Variants in GALNTL6 observed in about 807,000 individuals in gnomAD.
GALNTL6 encodes the protein polypeptide N-acetylgalactosaminyltransferase-like 6.
A neutral mutation model predicts 73.7 loss-of-function variants in GALNTL6; 46 were observed. That is an observed-to-expected ratio of 0.62 (90% CI 0.49 to 0.80). The LOEUF (loss-of-function observed/expected upper bound fraction) is 0.80, where lower values mean the gene tolerates loss of function less well. Among genes scored for constraint, GALNTL6 ranks in the 30% least tolerant of loss-of-function variants. The pLI, the probability that GALNTL6 is intolerant of heterozygous loss-of-function variation, is 0.00. For synonymous variants in GALNTL6, 259 were observed against 263.7 expected (o/e 0.98, Z 0.17); for missense variants, 604 against 755.0 (o/e 0.80, Z 2.34).
At chr4:173,011,304 G>A (rs1180901517) in intron 11 of GALNTL6, among the ~76,000 whole-genome samples, 6 of 152,082 alleles carry the variant, frequency 3.9e-5, no homozygotes, top group African/African-American at 7.2e-5. Context: ...CATTCTGTGG[G>A]TTGTCTCTTC....
At chr4:172,426,436 A>G (rs561510876) in intron 5 of GALNTL6, among the ~76,000 whole-genome samples, 1 of 152,252 alleles carries the variant, frequency 6.6e-6, no homozygotes, top group Admixed American at 6.5e-5. Context: ...TGGCAACCAC[A>G]TGGGAGACTG....
chr4:172,971,424 A>C (rs564819859), intron 10 of GALNTL6, among the ~76,000 whole-genome samples: 1 of 152,342 alleles, frequency 6.6e-6, no homozygotes, highest in East Asian at 1.9e-4. Context: ...GAGCTGCTTG[A>C]AGAAGCTTGT....
At chr4:172,989,049 C>T (rs368464581) in intron 10 of GALNTL6, among the ~76,000 whole-genome samples, 36 of 152,344 alleles carry the variant, frequency 2.4e-4, no homozygotes, top group African/African-American at 8.2e-4. Context: ...AACTGGAGCA[C>T]TGCCTGGTGG....
intron 2 of GALNTL6, among the ~76,000 whole-genome samples, chr4:172,215,434 A>G (rs1006084211): frequency 2.0e-5 from 3 of 152,154 alleles, no homozygotes; most frequent in African/African-American, 7.2e-5. Context: ...GTGCATACAT[A>G]TTAAGGATAC....
At chr4:172,702,901 G>A (rs557874436) in intron 5 of GALNTL6, among the ~76,000 whole-genome samples, 6 of 151,704 alleles carry the variant, frequency 4.0e-5, no homozygotes, top group Non-Finnish European at 8.8e-5. Context: ...ATAAAGACAT[G>A]CAATTGACTT....
intron 5 of GALNTL6, among the ~76,000 whole-genome samples, chr4:172,544,068 T>C (rs1316230898): frequency 6.6e-6 from 1 of 152,186 alleles, no homozygotes; most frequent in African/African-American, 2.4e-5. Context: ...GATCGATTTC[T>C]TAGTTCCAAT....
chr4:172,751,185 A>G (rs1488031470), intron 5 of GALNTL6, among the ~76,000 whole-genome samples: 1 of 152,232 alleles, frequency 6.6e-6, no homozygotes, highest in African/African-American at 2.4e-5. Context: ...TTCACTGAGA[A>G]TGAAACAGGA....
At chr4:172,562,621 T>A (rs1736415126) in intron 5 of GALNTL6, among the ~76,000 whole-genome samples, 1 of 152,210 alleles carries the variant, frequency 6.6e-6, no homozygotes, top group South Asian at 2.1e-4. Context: ...CAAACCCTTA[T>A]CCCGGCCTCT....
chr4:172,089,490 T>A (rs1480321765), intron 2 of GALNTL6, among the ~76,000 whole-genome samples: 1 of 152,108 alleles, frequency 6.6e-6, no homozygotes, highest in Non-Finnish European at 1.5e-5. Flanking sequence ...CATTTTAATT[T>A]TAGTAATTCC....
At chr4:172,396,301 ATTTTCTTTTT>A (rs1384324904) in intron 5 of GALNTL6, among the ~76,000 whole-genome samples, 24 of 104,482 alleles carry the variant, frequency 2.3e-4, no homozygotes, top group African/African-American at 8.6e-4. Context: ...TGCAATTACT[ATTTTCTTTTT>A]TTTTCTTTTT....
At chr4:172,370,632 A>C (rs1490503067) in intron 5 of GALNTL6, among the ~76,000 whole-genome samples, 1 of 146,850 alleles carries the variant, frequency 6.8e-6, no homozygotes, top group Non-Finnish European at 1.5e-5. Flanking sequence ...CTCCATCTCA[A>C]AAAAAAAAAA....
intron 5 of GALNTL6, among the ~76,000 whole-genome samples, chr4:172,456,899 G>A (rs1173887869): frequency 5.3e-5 from 8 of 152,026 alleles, no homozygotes; most frequent in African/African-American, 1.9e-4. Flanking sequence ...ACACATAATT[G>A]TCAGATTCAC....
At chr4:172,136,724 C>A (rs1464990272) in intron 2 of GALNTL6, among the ~76,000 whole-genome samples, 3 of 151,634 alleles carry the variant, frequency 2.0e-5, no homozygotes, top group Non-Finnish European at 2.9e-5. Context: ...TATAATTATG[C>A]ACAGCTCCAT....
At chr4:172,333,878 G>A (rs1221986773) in intron 4 of GALNTL6, among the ~76,000 whole-genome samples, 1 of 152,100 alleles carries the variant, frequency 6.6e-6, no homozygotes, top group African/African-American at 2.4e-5. Context: ...GTGAGAGATA[G>A]GGGTCTAGTT....
intron 2 of GALNTL6, among the ~76,000 whole-genome samples, chr4:171,908,533 T>G (rs922166915): frequency 6.6e-6 from 1 of 152,132 alleles, no homozygotes; most frequent in Admixed American, 6.5e-5. Context: ...GGAACACTTT[T>G]ACACTGTTGG....
intron 5 of GALNTL6, among the ~76,000 whole-genome samples, chr4:172,356,096 A>G (rs1490418358): frequency 6.6e-6 from 1 of 152,200 alleles, no homozygotes; most frequent in Non-Finnish European, 1.5e-5. Flanking sequence ...AGAAGGAGAC[A>G]CTGCTTTTAG....
At chr4:173,000,007 C>T (rs75352550) in intron 10 of GALNTL6, among the ~76,000 whole-genome samples, 3,459 of 152,210 alleles carry the variant, frequency 0.023, 48 homozygotes, top group African/African-American at 0.029. Context: ...AGACTCTTCA[C>T]AAAATGGCAC....
chr4:172,680,226 G>A (rs897881146), intron 5 of GALNTL6, among the ~76,000 whole-genome samples: 2 of 152,092 alleles, frequency 1.3e-5, no homozygotes, highest in Non-Finnish European at 2.9e-5. Flanking sequence ...TTTACATTGT[G>A]TAGTTTTTTT....
intron 5 of GALNTL6, among the ~76,000 whole-genome samples, chr4:172,628,781 T>G (rs779844818): frequency 6.6e-6 from 1 of 152,196 alleles, no homozygotes; most frequent in East Asian, 1.9e-4. Flanking sequence ...TAGAAGACTT[T>G]CTTAAAAACA....
Sources: allele counts gnomAD v4.1 joint callset (sites outside exome capture counted in the v4.1 genomes callset), GRCh38; gene constraint gnomAD v4.1.1; transcripts MANE v1.5; gene names NCBI Gene and HGNC (gene_info 2026-07-23, HGNC 2026-07-21).